The following PLEKHG1 variants were observed in gnomAD, a reference collection of about 807,000 sequenced individuals.
The protein encoded by PLEKHG1 is pleckstrin homology and RhoGEF domain containing G1, also known as pleckstrin homology domain-containing family G member 1.
A neutral mutation model predicts 100.8 loss-of-function variants in PLEKHG1; 44 were observed. The ratio of observed to expected loss-of-function variants is 0.44; its 90% CI spans 0.34 to 0.56. The LOEUF (loss-of-function observed/expected upper bound fraction) is 0.56. Among genes scored for constraint, PLEKHG1 ranks in the 20% least tolerant of loss-of-function variants. The pLI is 0.01. For synonymous variants in PLEKHG1, 640 were observed against 662.5 expected, an observed-to-expected ratio of 0.97 and a Z score of 0.52; for missense variants, 1,545 against 1,720.9, an observed-to-expected ratio of 0.90 and a Z score of 1.81.
intron 14 of PLEKHG1, among the ~76,000 whole-genome samples, chr6:150,829,774 CTT>C (rs1285310208): frequency 6.6e-6 from 1 of 152,150 alleles, no homozygotes; most frequent in African/African-American, 2.4e-5. Flanking sequence ...AATAAAAACT[CTT>C]TGCCTAGAGT....
chr6:150,830,786 T>C (rs1042888773), exon 15 of PLEKHG1: 1 of 1,613,998 alleles, frequency 6.2e-7, no homozygotes, highest in African/African-American at 1.3e-5. Flanking sequence ...TGAAGATGAT[T>C]ATCAGATGTT....
chr6:150,650,370 G>C lies in PLEKHG1; in HGVS notation c.-157-358G>C, dbSNP rs1778679681. Among the ~76,000 whole-genome samples the C allele has an allele frequency of 2.6e-5, 4 of 152,318 alleles. No homozygotes were observed. In the South Asian group the frequency reaches 6.2e-4, roughly 24 times the overall value. On this transcript the variant is annotated intron_variant, in intron 2 of 3. Transcript: ENST00000367326. The stretch of plus-strand genomic sequence containing the variant: ...GGAAATTCTTCCTGGTTTCTGGCAA[G>C]TCACTGAACTCCTCTGTTTACAGAG...
intron 5 of PLEKHG1, among the ~76,000 whole-genome samples, chr6:150,796,434 T>C (rs1345089247): frequency 6.6e-6 from 1 of 152,174 alleles, no homozygotes; most frequent in African/African-American, 2.4e-5. Flanking sequence ...TTTCCTTGCA[T>C]TGGAAATCAA....
chr6:150,759,265 T>G (rs1240570318), intron 2 of PLEKHG1, among the ~76,000 whole-genome samples: 4 of 152,150 alleles, frequency 2.6e-5, no homozygotes, highest in Admixed American at 6.5e-5. Context: ...TATGAAAACA[T>G]GAAGGCAGTG....
At chr6:150,804,173 A>T (rs1395437784) in intron 6 of PLEKHG1, among the ~76,000 whole-genome samples, 22 of 34,994 alleles carry the variant, frequency 6.3e-4, no homozygotes, top group African/African-American at 9.4e-4. Flanking sequence ...ATATATATAT[A>T]TATTTTTTTT....
At chr6:150,613,300 T>G (rs1208497410) in intron 1 of PLEKHG1, among the ~76,000 whole-genome samples, 2 of 152,234 alleles carry the variant, frequency 1.3e-5, no homozygotes, top group African/African-American at 2.4e-5. Flanking sequence ...GCCTGCACCT[T>G]GCAAGTCAGA....
intron 3 of PLEKHG1, among the ~76,000 whole-genome samples, chr6:150,687,985 C>G (rs570322655): frequency 8.5e-5 from 13 of 152,110 alleles, no homozygotes; most frequent in Non-Finnish European, 1.8e-4. Flanking sequence ...AAGAGTCCAG[C>G]CAAGAAACTC....
chr6:150,650,015 A>AAAAT (rs1158078968), intron 2 of PLEKHG1, among the ~76,000 whole-genome samples: 31 of 151,716 alleles, frequency 2.0e-4, no homozygotes, highest in Admixed American at 2.6e-4. Context: ...CCGTCTCAAA[A>AAAAT]AAATAAATAA....
chr6:150,658,593 C>T (rs1779060611), intron 3 of PLEKHG1, among the ~76,000 whole-genome samples: 3 of 152,178 alleles, frequency 2.0e-5, no homozygotes, highest in Admixed American at 2.0e-4. Flanking sequence ...GCCCTCATTT[C>T]TAAGTCTTCT....
intron 3 of PLEKHG1, among the ~76,000 whole-genome samples, chr6:150,776,010 G>C (rs1205833661): frequency 2.0e-5 from 3 of 152,148 alleles, no homozygotes; most frequent in African/African-American, 4.8e-5. Context: ...CAGACCGGAA[G>C]GGGAGGGGCC....
chr6:150,681,929 C>T (rs1779949553), intron 3 of PLEKHG1, among the ~76,000 whole-genome samples: 1 of 152,226 alleles, frequency 6.6e-6, no homozygotes, highest in South Asian at 2.1e-4. Flanking sequence ...CTAAACCCCA[C>T]TCTGCAGTGT....
At chr6:150,604,435 G>A (rs766750284) in intron 1 of PLEKHG1, among the ~76,000 whole-genome samples, 1 of 152,122 alleles carries the variant, frequency 6.6e-6, no homozygotes, top group African/African-American at 2.4e-5. Context: ...TTGAGATGAG[G>A]GTTATTTGTT....
chr6:150,730,816 C>A (rs1262964045), intron 1 of PLEKHG1, among the ~76,000 whole-genome samples: 1 of 151,650 alleles, frequency 6.6e-6, no homozygotes, highest in Non-Finnish European at 1.5e-5. Flanking sequence ...GGCAGGAGAT[C>A]GCTTGAACCT....
At chr6:150,676,063 C>T (rs1209911799) in intron 3 of PLEKHG1, among the ~76,000 whole-genome samples, 1 of 152,164 alleles carries the variant, frequency 6.6e-6, no homozygotes, top group Non-Finnish European at 1.5e-5. Flanking sequence ...TGCAGTAGCA[C>T]AGTTTCAGCT....
chr6:150,644,333 T>TG (rs1282496960), intron 2 of PLEKHG1, among the ~76,000 whole-genome samples: 7 of 120,556 alleles, frequency 5.8e-5, no homozygotes, highest in Non-Finnish European at 8.9e-5. Flanking sequence ...TTTCTTTTCG[T>TG]GTTTTTTTTT....
In PLEKHG1 at chr6:150,831,175, G is replaced by T. The variant is rs1222670013; in HGVS notation, c.2064G>T (p.Arg688Ser). The T allele has an allele frequency of 6.2e-7, 1 of 1,613,944 alleles. No homozygotes were observed. The highest frequency in any genetic ancestry group is 1.3e-5 in the African/African-American group (1 of 74,912). ...AATCCACTCCCTCTAAATCAGCCAGGGACTCCGTTCGCCCCAAGAGCACCC... is the reference window on the plus strand; with the variant it reads ...AATCCACTCCCTCTAAATCAGCCAGTGACTCCGTTCGCCCCAAGAGCACCC... The change falls in exon 15 of 16, where the codon AGG (arginine) becomes AGT (serine). Residue 688 changes from arginine (R) to serine (S), a missense_variant. Physicochemically the swap from Arg to Ser is moderately radical, Grantham distance 110. Coordinates refer to ENST00000358517, the Ensembl canonical transcript of PLEKHG1. This position sits in a 1 kb window ranked among gnomAD's most constrained non-coding sequence, Gnocchi z 4.1.
intron 1 of PLEKHG1, among the ~76,000 whole-genome samples, chr6:150,616,540 A>G (rs1045785304): frequency 1.9e-4 from 29 of 152,240 alleles, no homozygotes; most frequent in Non-Finnish European, 1.3e-4. Flanking sequence ...AAAAAAAGCC[A>G]TATTTAAAAT....
chr6:150,816,559 C>T (rs1253486313), intron 10 of PLEKHG1, among the ~76,000 whole-genome samples: 4 of 151,740 alleles, frequency 2.6e-5, no homozygotes, highest in Non-Finnish European at 5.9e-5. Context: ...CTCCTGACCT[C>T]GTGATCTGCC....
chr6:150,677,362 G>C lies in PLEKHG1; in HGVS notation c.-99+26576G>C, dbSNP rs940548497. ...TACTGCATTGCTTGGAGTTTCACTG[G>C]ATAGGCACCATGAGTCTTTGCACAT... On this transcript the variant is annotated intron_variant, in intron 3 of 3. Coordinates refer to the PLEKHG1 transcript ENST00000367326. 4.6e-5 allele frequency among the ~76,000 whole-genome samples: 7 copies of C among 151,822 alleles called. No individual in the cohort carries two copies. In the East Asian group the frequency reaches 1.4e-3, roughly 30 times the overall value.
Sources: allele counts gnomAD v4.1 joint callset (sites outside exome capture counted in the v4.1 genomes callset), GRCh38; gene constraint gnomAD v4.1.1; non-coding constraint Gnocchi (gnomAD v3.1); transcripts MANE v1.5; gene names NCBI Gene and HGNC (gene_info 2026-07-23, HGNC 2026-07-21).